The following CELF2 variants were observed in gnomAD, a reference collection of about 807,000 sequenced individuals.
The protein encoded by CELF2 is CUG triplet repeat RNA-binding protein 2.
In CELF2, 8 loss-of-function variants were observed where a neutral mutation model predicts 62.6. The ratio of observed to expected loss-of-function variants is 0.13; its 90% CI spans 0.07 to 0.23. CELF2 has a LOEUF of 0.23. Among genes scored for constraint, CELF2 ranks in the 10% least tolerant of loss-of-function variants. CELF2 has a pLI of 1.00. For missense variants in CELF2, 333 were observed against 671.0 expected, an observed-to-expected ratio of 0.50 and a Z score of 5.56; for synonymous variants, 258 against 250.0, an observed-to-expected ratio of 1.03 and a Z score of -0.30.
At chr10:11,301,750 T>A (rs2093774720) in intron 9 of CELF2, among the ~76,000 whole-genome samples, 1 of 151,522 alleles carries the variant, frequency 6.6e-6, no homozygotes, top group South Asian at 2.1e-4. Context: ...ACCCACTCTG[T>A]TTCTGAAGCT....
chr10:11,319,213 G>C lies in CELF2; in HGVS notation c.1097-1976G>C, dbSNP rs775176419. On this transcript the variant is annotated intron_variant, in intron 10 of 12. Coordinates refer to ENST00000633077, the MANE Select transcript of CELF2 (RefSeq NM_001326342.2). The surrounding 1 kb of genome is among the most constrained non-coding windows in gnomAD (Gnocchi z 4.4). ...AATCCACAGCACCCGTTAACAGCCTGGCCAAAGTGAGACCAACAGAATTTA... is the reference window on the plus strand; with the variant it reads ...AATCCACAGCACCCGTTAACAGCCTCGCCAAAGTGAGACCAACAGAATTTA... 9.7e-6 allele frequency: 4 copies of C among 411,112 alleles called. No individual in the cohort carries two copies. The highest frequency in any genetic ancestry group is 6.3e-5 in the African/African-American group (3 of 47,968). 25.5% of individuals were successfully genotyped at this position (411,112 alleles called of 1,614,324 possible).
chr10:11,333,227 T>TG lies in CELF2; in HGVS notation c.*4175dup, dbSNP rs2096062205. 1 of 151,418 alleles carries TG rather than the reference T, an allele frequency of 6.6e-6. No homozygotes were observed. Among genetic ancestry groups the TG allele is most frequent in the African/African-American group, 2.4e-5 (1 of 41,074 alleles). 9.4% of individuals were successfully genotyped at this position (151,418 alleles called of 1,614,324 possible). ...AGGACATGAGGGGGAAAGTCCTTTT[T>TG]GCCCTTCTCCAAAAAATAACCTTCC... is the stretch of plus-strand genomic sequence containing the variant. On this transcript the variant is annotated 3_prime_UTR_variant, in exon 13 of 13. Coordinates refer to ENST00000633077, the MANE Select transcript of CELF2 (RefSeq NM_001326342.2).
At chr10:10,725,471 C>T in the CELF2 span, among the ~76,000 whole-genome samples, 287 of 152,310 alleles carry the variant, frequency 1.9e-3, 1 homozygote, top group African/African-American at 6.2e-3. Flanking sequence ...TGTATACTCA[C>T]GGCTGGTGGT....
At chr10:11,064,731 A>C (rs2067642617) in intron 1 of CELF2, among the ~76,000 whole-genome samples, 1 of 152,186 alleles carries the variant, frequency 6.6e-6, no homozygotes, top group Non-Finnish European at 1.5e-5. Flanking sequence ...CCAGGAATAA[A>C]AGGCACATTC....
the CELF2 span, among the ~76,000 whole-genome samples, chr10:10,518,817 G>A: frequency 6.6e-6 from 1 of 152,148 alleles, no homozygotes; most frequent in Non-Finnish European, 1.5e-5. Context: ...GTGCAGAGGA[G>A]GACAAGTTGG....
At chr10:11,313,502 G>A (rs776568052) in intron 9 of CELF2, among the ~76,000 whole-genome samples, 5 of 152,082 alleles carry the variant, frequency 3.3e-5, no homozygotes, top group African/African-American at 4.8e-5. Context: ...TTAGTAAAAC[G>A]GATTCAAGAA....
chr10:11,120,292 C>T (rs1217126090), intron 1 of CELF2, among the ~76,000 whole-genome samples: 1 of 152,046 alleles, frequency 6.6e-6, no homozygotes, highest in East Asian at 1.9e-4. Context: ...CAAATATTCC[C>T]CAAATAGTTA....
chr10:10,941,461 C>T (rs1303079491), intron 2 of CELF2, among the ~76,000 whole-genome samples: 1 of 152,152 alleles, frequency 6.6e-6, no homozygotes, highest in East Asian at 1.9e-4. Flanking sequence ...TTCTGGTTGG[C>T]AGTGGTAGTA....
chr10:11,026,786 C>G (rs188890111), intron 1 of CELF2, among the ~76,000 whole-genome samples: 7 of 152,344 alleles, frequency 4.6e-5, no homozygotes, highest in Non-Finnish European at 7.4e-5. Context: ...ACTTAGTTCT[C>G]AGGGTTGGAG....
intron 9 of CELF2, among the ~76,000 whole-genome samples, chr10:11,310,440 A>C (rs191849183): frequency 1.3e-5 from 2 of 152,290 alleles, no homozygotes; most frequent in Non-Finnish European, 2.9e-5. Context: ...GAGATTTGAT[A>C]AATCTTCTTG....
In CELF2 at chr10:11,177,987, G is replaced by A. The variant is rs949041861; in HGVS notation, c.271+12305G>A. 6.6e-6 allele frequency among the ~76,000 whole-genome samples: 1 copy of A among 152,180 alleles called. No individual in the cohort carries two copies. The highest frequency in any genetic ancestry group is 1.5e-5 in the Non-Finnish European group (1 of 68,040). On this transcript the variant is annotated intron_variant, in intron 2 of 12. Transcript: ENST00000633077. This position sits in a 1 kb window ranked among gnomAD's most constrained non-coding sequence, Gnocchi z 4.8. Reference sequence around the variant, plus strand: ...AAGCCGCAGCCTAGATTGGAACAGCGTGACTGCCTGGTAGGATAAAGGAGA... The same window carrying A: ...AAGCCGCAGCCTAGATTGGAACAGCATGACTGCCTGGTAGGATAAAGGAGA...
intron 3 of CELF2, among the ~76,000 whole-genome samples, chr10:11,232,579 G>A (rs1326218042): frequency 6.6e-6 from 1 of 152,150 alleles, no homozygotes; most frequent in African/African-American, 2.4e-5. Flanking sequence ...GGAAAGAGCA[G>A]TGCTGAAGAT....
chr10:10,505,930 C>T, the CELF2 span, among the ~76,000 whole-genome samples: 3 of 152,256 alleles, frequency 2.0e-5, no homozygotes, highest in Admixed American at 2.0e-4. Context: ...ATCTCAAGTT[C>T]CCTAGATGGT....
rs1443700008 is a variant in CELF2 at position 11,145,405 on chromosome 10, AG to A, written c.75-20079del. 1.3e-5 allele frequency among the ~76,000 whole-genome samples: 2 copies of A among 152,232 alleles called. No homozygotes were observed. Among genetic ancestry groups the A allele is most frequent in the African/African-American group, 4.8e-5 (2 of 41,458 alleles). ...TTGTGCTGACCAAGCAAATAATAGC[AG>A]GTTGTATGCAGGACTCCCACGTTTG... On this transcript the variant is annotated intron_variant, in intron 1 of 12. Coordinates refer to ENST00000633077, the MANE Select transcript of CELF2 (RefSeq NM_001326342.2). The surrounding 1 kb of genome is among the most constrained non-coding windows in gnomAD (Gnocchi z 4.3).
In CELF2 at chr10:11,190,151, T is replaced by A. The variant is rs568017247; in HGVS notation, c.271+24469T>A. Among the ~76,000 whole-genome samples the A allele has an allele frequency of 8.5e-5, 13 of 152,356 alleles. No individual in the cohort carries two copies. In the East Asian group the frequency reaches 2.5e-3, roughly 29 times the overall value. On this transcript the variant is annotated intron_variant, in intron 2 of 12. Coordinates refer to ENST00000633077, the MANE Select transcript of CELF2 (RefSeq NM_001326342.2). ...TGTTAACTTATTTATGCACATGTCTTATCTCCTCCAACCACTTATAAATCC... is the reference window on the plus strand; with the variant it reads ...TGTTAACTTATTTATGCACATGTCTAATCTCCTCCAACCACTTATAAATCC...
chr10:10,761,001 A>C, the CELF2 span, among the ~76,000 whole-genome samples: 1 of 152,204 alleles, frequency 6.6e-6, no homozygotes, highest in Admixed American at 6.5e-5. Flanking sequence ...GTGTATCTTA[A>C]AAGATCACTC....
chr10:10,766,642 A>G, the CELF2 span, among the ~76,000 whole-genome samples: 4 of 152,200 alleles, frequency 2.6e-5, no homozygotes, highest in Admixed American at 1.3e-4. Context: ...GAGGGAGCCT[A>G]TGCTGCTGGG....
intron 8 of CELF2, among the ~76,000 whole-genome samples, chr10:11,281,848 A>G (rs1020142824): frequency 6.6e-6 from 1 of 152,222 alleles, no homozygotes; most frequent in Admixed American, 6.5e-5. Flanking sequence ...CTTAGTTACA[A>G]ATGAAGACAC....
the CELF2 span, among the ~76,000 whole-genome samples, chr10:10,763,788 T>G: frequency 1.3e-4 from 20 of 152,286 alleles, no homozygotes; most frequent in Non-Finnish European, 2.6e-4. Flanking sequence ...AATGCAAAAT[T>G]GGAAGAGCCT....
Sources: gnomAD v4.1 joint callset for allele counts (sites outside exome capture counted in the v4.1 genomes callset) on GRCh38, gnomAD v4.1.1 for gene constraint, Gnocchi (gnomAD v3.1) non-coding constraint, MANE v1.5 for transcripts, NCBI Gene and HGNC (gene_info 2026-07-23, HGNC 2026-07-21) for gene names.